SLCO6A1: variants seen among roughly 807,000 people sequenced by gnomAD.
SLCO6A1 encodes cancer/testis antigen 48.
Under a neutral mutation model 72.7 loss-of-function variants are expected in SLCO6A1, and 65 were observed. The ratio of observed to expected loss-of-function variants is 0.89; its 90% CI spans 0.73 to 1.10. The LOEUF is 1.10. Among genes scored for constraint, SLCO6A1 ranks in the 50% least tolerant of loss-of-function variants. SLCO6A1 has a pLI of 0.00. For missense variants in SLCO6A1, 874 were observed against 872.6 expected (o/e 1.00, Z -0.02); for synonymous variants, 314 against 298.2 (o/e 1.05, Z -0.55).
At position 102,475,763 on chromosome 5, in the gene SLCO6A1, T is replaced by C; in HGVS notation, c.833A>G (p.Tyr278Cys). The C allele has an allele frequency of 1.9e-6, 3 of 1,609,348 alleles. No individual in the cohort carries two copies. Among genetic ancestry groups the C allele is most frequent in the Non-Finnish European group, 2.5e-6 (3 of 1,177,528 alleles). ...GIAECTSMIG[Y>C]ALGYVLGAPL... ...TGCTCCTAGCACATAACCCAGAGCA[T>C]ATCCAATCATTGATGTACATTCTGC... is the stretch of plus-strand genomic sequence containing the variant. The change falls in exon 4 of 14, where the codon TAT becomes TGT. Residue 278 changes from tyrosine to cysteine, a missense_variant. Physicochemically the swap from Tyr to Cys is radical, Grantham distance 194. Coordinates refer to ENST00000506729, the MANE Select transcript of SLCO6A1 (RefSeq NM_173488.5).
rs2112679736 is a variant in SLCO6A1, at chr5:102,438,621, A to T, written c.1272T>A (p.Leu424=). The T allele has an allele frequency of 1.3e-6, 2 of 1,589,366 alleles. No individual in the cohort carries two copies. The highest frequency in any genetic ancestry group is 1.7e-6 in the Non-Finnish European group (2 of 1,172,280). ...ACAATAAGAAGGTAAATCTACCTGCAAGTGTAGTTGCCACAGTGGGTGTTA... is the reference window on the plus strand; with the variant it reads ...ACAATAAGAAGGTAAATCTACCTGCTAGTGTAGTTGCCACAGTGGGTGTTA... ...FILTPTVATT[L]AGLVLIPGGA... is the part of the protein sequence containing the mutation. Residue 424 remains leucine (L), a synonymous_variant, in exon 7 of 14, where the codon CTT becomes CTA. Coordinates refer to ENST00000506729, the MANE Select transcript of SLCO6A1 (RefSeq NM_173488.5).
chr5:102,404,473 T>G (rs1747564939), intron 9 of SLCO6A1, among the ~76,000 whole-genome samples: 1 of 152,016 alleles, frequency 6.6e-6, no homozygotes, highest in Non-Finnish European at 1.5e-5. Context: ...GCCACTGTAC[T>G]CCAGCCTGGG....
At position 102,390,965 on chromosome 5, in the gene SLCO6A1, T is replaced by A. The variant is rs761311265; in HGVS notation, c.1879+16A>T. The A allele has an allele frequency of 6.2e-7, 1 of 1,612,320 alleles. No individual in the cohort carries two copies. The highest frequency in any genetic ancestry group is 1.3e-5 in the African/African-American group (1 of 74,842). ...AAAACATTTTGATGTAATAAGAGAT[T>A]GCCAAAAATCCATACCAAATATTCT... On this transcript the variant is annotated intron_variant, in intron 11 of 13. Transcript: ENST00000506729.
intron 9 of SLCO6A1, among the ~76,000 whole-genome samples, chr5:102,407,692 G>A (rs1034280225): frequency 6.6e-6 from 1 of 152,176 alleles, no homozygotes; most frequent in African/African-American, 2.4e-5. Flanking sequence ...GAGATTCTCT[G>A]TTGCTGACAC....
chr5:102,414,648 C>G (rs1285604910), intron 8 of SLCO6A1, among the ~76,000 whole-genome samples: 1 of 152,142 alleles, frequency 6.6e-6, no homozygotes. Context: ...AATGCTAGCA[C>G]TTTGGGAGGT....
At position 102,391,041 on chromosome 5, in the gene SLCO6A1, CA is replaced by C; in HGVS notation, c.1818del (p.Val607TyrfsTer12). 6.2e-7 allele frequency: 1 copy of C among 1,613,106 alleles called. No individual in the cohort carries two copies. Among genetic ancestry groups the C allele is most frequent in the Non-Finnish European group, 8.5e-7 (1 of 1,179,206 alleles). ...GCCAGAGAACGCAGTTTGTCAGGTA[CA>C]ACCCTGAAAGTAAATAGCAATGATA... is the stretch of plus-strand genomic sequence containing the variant. ...GVPIVLAMTR[V>X]VPDKLRSLAL... On this transcript the variant is annotated frameshift_variant, in exon 11 of 14. Transcript: ENST00000506729. LOFTEE classifies it high-confidence loss of function.
chr5:102,400,751 A>G (rs1747353052), intron 9 of SLCO6A1, among the ~76,000 whole-genome samples: 1 of 152,120 alleles, frequency 6.6e-6, no homozygotes, highest in African/African-American at 2.4e-5. Context: ...GAAAATTATA[A>G]TTCAGACAAA....
At chr5:102,451,955 A>G (rs994614333) in intron 6 of SLCO6A1, among the ~76,000 whole-genome samples, 2 of 152,248 alleles carry the variant, frequency 1.3e-5, no homozygotes, top group African/African-American at 4.8e-5. Context: ...ATAGCCATTT[A>G]CTTGCTTTCA....
chr5:102,466,024 T>C (rs1223493904), intron 4 of SLCO6A1, among the ~76,000 whole-genome samples: 1 of 152,174 alleles, frequency 6.6e-6, no homozygotes, highest in Non-Finnish European at 1.5e-5. Context: ...TTTTCCTTTT[T>C]AACTTTTATT....
At chr5:102,392,277 T>G (rs1746807087) in intron 10 of SLCO6A1, among the ~76,000 whole-genome samples, 1 of 151,934 alleles carries the variant, frequency 6.6e-6, no homozygotes, top group Admixed American at 6.6e-5. Flanking sequence ...AAATGATAAC[T>G]AAATTTTTAA....
At chr5:102,414,805 G>A (rs1440008204) in intron 8 of SLCO6A1, among the ~76,000 whole-genome samples, 2 of 152,130 alleles carry the variant, frequency 1.3e-5, no homozygotes, top group African/African-American at 4.8e-5. Flanking sequence ...TGAGGCAGGA[G>A]AATTGCTTGA....
At chr5:102,396,540 T>C (rs1294952524) in intron 10 of SLCO6A1, among the ~76,000 whole-genome samples, 1 of 152,204 alleles carries the variant, frequency 6.6e-6, no homozygotes, top group Non-Finnish European at 1.5e-5. Flanking sequence ...GTTAAAATTA[T>C]AAATTAACTT....
chr5:102,443,054 G>A (rs749724866), intron 6 of SLCO6A1, among the ~76,000 whole-genome samples: 15 of 152,224 alleles, frequency 9.9e-5, no homozygotes, highest in African/African-American at 1.4e-4. Flanking sequence ...AAAATTAGCC[G>A]GGCGTAGTGG....
chr5:102,390,154 A>G (rs1005390969), intron 11 of SLCO6A1, among the ~76,000 whole-genome samples: 1 of 152,144 alleles, frequency 6.6e-6, no homozygotes, highest in Admixed American at 6.6e-5. Flanking sequence ...ATTTAATATC[A>G]TCTTATTCTA....
chr5:102,407,401 C>A (rs1747729754), intron 9 of SLCO6A1, among the ~76,000 whole-genome samples: 1 of 152,204 alleles, frequency 6.6e-6, no homozygotes, highest in East Asian at 1.9e-4. Context: ...TACCTCTCTG[C>A]TGCTACTGTA....
chr5:102,447,931 C>T (rs984111692), intron 6 of SLCO6A1, among the ~76,000 whole-genome samples: 3 of 151,820 alleles, frequency 2.0e-5, no homozygotes, highest in African/African-American at 7.3e-5. Flanking sequence ...AGTTGGTTTG[C>T]TCTTGTTTTT....
intron 7 of SLCO6A1, among the ~76,000 whole-genome samples, chr5:102,421,997 C>T (rs930839483): frequency 6.6e-6 from 1 of 152,156 alleles, no homozygotes; most frequent in Non-Finnish European, 1.5e-5. Context: ...GAGTGGACCT[C>T]CAGCAAACTC....
At chr5:102,486,230 G>A (rs1752437692) in intron 1 of SLCO6A1, among the ~76,000 whole-genome samples, 1 of 152,076 alleles carries the variant, frequency 6.6e-6, no homozygotes, top group Non-Finnish European at 1.5e-5. Flanking sequence ...AAATAAAAAT[G>A]TGTACAAAGC....
intron 3 of SLCO6A1, among the ~76,000 whole-genome samples, chr5:102,476,313 T>A (rs1414904009): frequency 6.6e-6 from 1 of 152,170 alleles, no homozygotes; most frequent in Non-Finnish European, 1.5e-5. Flanking sequence ...AATACAATTA[T>A]GAGGCCTAGC....
Sources: gnomAD v4.1 joint callset for allele counts (sites outside exome capture counted in the v4.1 genomes callset) on GRCh38, gnomAD v4.1.1 for gene constraint, MANE v1.5 for transcripts, NCBI Gene and HGNC (gene_info 2026-07-23, HGNC 2026-07-21) for gene names.